The following FNDC3A variants were observed in gnomAD, a reference collection of about 807,000 sequenced individuals.
FNDC3A encodes fibronectin type III domain containing 3A.
A neutral mutation model predicts 148.9 loss-of-function variants in FNDC3A; 32 were observed. The observed-to-expected ratio is 0.21, with a 90% confidence interval of 0.16 to 0.29. The LOEUF (loss-of-function observed/expected upper bound fraction) is 0.29, where lower values mean the gene tolerates loss of function less well. Ranked by LOEUF, FNDC3A falls within the 10% of genes least tolerant of loss-of-function variation. The probability of loss-of-function intolerance (pLI) is 1.00; values close to 1 mark genes in which losing one functional copy is unlikely to be tolerated. For synonymous variants in FNDC3A, 472 were observed against 473.6 expected (o/e 1.00, Z 0.04); for missense variants, 1,191 against 1,452.8 (o/e 0.82, Z 2.93).
intron 2 of FNDC3A, among the ~76,000 whole-genome samples, chr13:49,022,256 G>C (rs1368856475): frequency 6.6e-6 from 1 of 152,160 alleles, no homozygotes; most frequent in Non-Finnish European, 1.5e-5. Context: ...AGAAAAAGCA[G>C]AGCTAGGTAG....
In FNDC3A at chr13:49,203,134, T is replaced by C. The variant is rs200943861; in HGVS notation, c.3155-23T>C. The C allele has an allele frequency of 2.7e-3, 4,088 of 1,508,992 alleles. 5 individuals carry two copies. Among genetic ancestry groups the C allele is most frequent in the Non-Finnish European group, 3.3e-3 (3,635 of 1,102,850 alleles). The allele number at this position is 1,508,992 out of a possible 1,614,324, so 93.5% of individuals were successfully genotyped here. ...AATTAAAAATCAAGTGGAACAGATA[T>C]TATTTATATTTGTTTCCTACAGCCC... On this transcript the variant is annotated intron_variant, in intron 24 of 25. Transcript: ENST00000492622.
In FNDC3A at chr13:49,196,888, T is replaced by A; in HGVS notation, c.2238T>A (p.Phe746Leu). 1 of 1,600,880 alleles carries A rather than the reference T, an allele frequency of 6.2e-7. No homozygotes were observed. The highest frequency in any genetic ancestry group is 8.5e-7 in the Non-Finnish European group (1 of 1,174,430). Reference protein sequence around the residue: ...RAANKMGFGPFSEKCDITTAP... With the variant: ...RAANKMGFGPLSEKCDITTAP... ...ATTTGTTTTTCTAGTTTGGACCATT[T>A]TCAGAAAAATGTGATATTACTACAG... Residue 746 changes from phenylalanine (F) to leucine (L), a missense_variant, in exon 20 of 26, where the codon TTT becomes TTA. By Grantham distance (22) the Phe-to-Leu change is conservative. Around this residue, in one of 3 missense-constraint regions of FNDC3A, gnomAD observed 751 missense variants for 944.0 expected, o/e 0.80. Transcript: ENST00000492622.
At position 49,009,000 on chromosome 13, in the gene FNDC3A, G is replaced by A. The variant is rs192178657; in HGVS notation, c.99+2711G>A. On this transcript the variant is annotated intron_variant, in intron 2 of 25. Transcript: ENST00000492622. ...TATTGATGCGTTATTATTAAGTAAG[G>A]TCCATAGGGTTCACTCTTAGTGTTG... Among the ~76,000 whole-genome samples, 10 of 152,104 alleles carry A rather than the reference G, an allele frequency of 6.6e-5. No individual in the cohort carries two copies. In the East Asian group the frequency reaches 1.9e-3, roughly 29 times the overall value.
chr13:49,042,030 A>G (rs1287983761), intron 2 of FNDC3A, among the ~76,000 whole-genome samples: 1 of 152,156 alleles, frequency 6.6e-6, no homozygotes, highest in Non-Finnish European at 1.5e-5. Context: ...AGGGGTATAT[A>G]TACCCTACAA....
intron 3 of FNDC3A, among the ~76,000 whole-genome samples, chr13:49,089,961 T>C (rs1331200959): frequency 6.6e-6 from 1 of 152,162 alleles, no homozygotes; most frequent in Non-Finnish European, 1.5e-5. Flanking sequence ...TGCTGCTCCA[T>C]AGGTTATACA....
chr13:49,088,560 C>G (rs1427946044), intron 3 of FNDC3A, among the ~76,000 whole-genome samples: 1 of 152,200 alleles, frequency 6.6e-6, no homozygotes, highest in Non-Finnish European at 1.5e-5. Flanking sequence ...TCTCATCATA[C>G]TTGACCTCAG....
intron 3 of FNDC3A, among the ~76,000 whole-genome samples, chr13:49,101,638 A>G (rs771099061): frequency 6.6e-6 from 1 of 152,076 alleles, no homozygotes; most frequent in Non-Finnish European, 1.5e-5. Flanking sequence ...TTTGCCTCAT[A>G]GCTGACAATC....
In FNDC3A at chr13:49,061,376, T is replaced by C. The variant is rs868432911; in HGVS notation, c.100-13913T>C. On this transcript the variant is annotated intron_variant, in intron 2 of 25. Coordinates refer to ENST00000492622, the MANE Select transcript of FNDC3A (RefSeq NM_001079673.2). ...TCCCTTACCTTCCCTTCCCTTCCCT[T>C]CCCTTCCCTTCCCTTCCCTCCCCTT... 8.2e-4 allele frequency among the ~76,000 whole-genome samples: 10 copies of C among 12,204 alleles called. 1 individual carries two copies. Among genetic ancestry groups the C allele is most frequent in the East Asian group, 6.6e-3 (2 of 302 alleles). The allele number at this position is 12,204 out of a possible 152,430, so 8.0% of individuals were successfully genotyped here.
rs148528110 is a variant in FNDC3A at position 49,176,134 on chromosome 13, T to C, written c.1530+593T>C. On this transcript the variant is annotated intron_variant, in intron 13 of 25. Coordinates refer to ENST00000492622, the MANE Select transcript of FNDC3A (RefSeq NM_001079673.2). The stretch of plus-strand genomic sequence containing the variant: ...TTTTTGCATCAATGTTCATCAGGCA[T>C]ATTGGCCTGAAATTTTCATTTTTTG... Among the ~76,000 whole-genome samples, 379 of 152,334 alleles carry C rather than the reference T, an allele frequency of 2.5e-3. 2 individuals carry two copies. Among genetic ancestry groups the C allele is most frequent in the Admixed American group, 5.5e-3 (84 of 15,304 alleles).
chr13:48,992,206 T>G (rs1951934435), intron 1 of FNDC3A, among the ~76,000 whole-genome samples: 1 of 152,238 alleles, frequency 6.6e-6, no homozygotes, highest in Non-Finnish European at 1.5e-5. Context: ...ATGAAATTTC[T>G]TAAAACAGGA....
At chr13:49,008,775 T>C (rs991680193) in intron 2 of FNDC3A, among the ~76,000 whole-genome samples, 3 of 152,158 alleles carry the variant, frequency 2.0e-5, no homozygotes, top group African/African-American at 7.2e-5. Context: ...ATTATTCATT[T>C]TGACAAGCAG....
At chr13:49,056,079 CAGAGGCTG>C (rs769192370) in intron 2 of FNDC3A, among the ~76,000 whole-genome samples, 1 of 151,770 alleles carries the variant, frequency 6.6e-6, no homozygotes, top group Non-Finnish European at 1.5e-5. Context: ...CCCAGCTACT[CAGAGGCTG>C]AGGTGGGCAG....
At chr13:49,036,630 A>G (rs575946818) in intron 2 of FNDC3A, among the ~76,000 whole-genome samples, 1 of 152,334 alleles carries the variant, frequency 6.6e-6, no homozygotes, top group East Asian at 1.9e-4. Context: ...GTAAAAACAG[A>G]TTGAAGTCTT....
chr13:49,194,066 G>T (rs1338680339), intron 19 of FNDC3A, among the ~76,000 whole-genome samples: 1 of 152,208 alleles, frequency 6.6e-6, no homozygotes, highest in Non-Finnish European at 1.5e-5. Flanking sequence ...TTCGGGACCA[G>T]CCTGGCCAAC....
chr13:49,160,348 A>G (rs1884015778), intron 8 of FNDC3A, among the ~76,000 whole-genome samples: 1 of 152,086 alleles, frequency 6.6e-6, no homozygotes, highest in South Asian at 2.1e-4. Flanking sequence ...TAGTCTTGGG[A>G]GGGTGTATGT....
chr13:49,109,666 G>C (rs9568152), intron 3 of FNDC3A, among the ~76,000 whole-genome samples: 1 of 152,072 alleles, frequency 6.6e-6, no homozygotes, highest in Non-Finnish European at 1.5e-5. Flanking sequence ...TTTCAGATTC[G>C]TGGATATGAG....
At chr13:49,026,720 G>C (rs932381452) in intron 2 of FNDC3A, among the ~76,000 whole-genome samples, 1 of 152,144 alleles carries the variant, frequency 6.6e-6, no homozygotes, top group African/African-American at 2.4e-5. Context: ...GCCCAGGCTG[G>C]TCTTGAACTC....
intron 13 of FNDC3A, among the ~76,000 whole-genome samples, chr13:49,178,291 A>G (rs1050250106): frequency 1.3e-5 from 2 of 152,196 alleles, no homozygotes; most frequent in African/African-American, 2.4e-5. Flanking sequence ...CTCCAACTCT[A>G]TAAACTCTTC....
intron 2 of FNDC3A, chr13:49,044,915 A>G: frequency 3.5e-6 from 1 of 281,982 alleles, no homozygotes; most frequent in South Asian, 3.8e-5. Context: ...GAAATGTATC[A>G]CATCTTTCAT....
Sources: gnomAD v4.1 joint callset for allele counts (sites outside exome capture counted in the v4.1 genomes callset) on GRCh38, gnomAD v4.1.1 for gene constraint, gnomAD v4.1.1 regional missense constraint, MANE v1.5 for transcripts, NCBI Gene and HGNC (gene_info 2026-07-23, HGNC 2026-07-21) for gene names.